NLRC4: variants seen among roughly 807,000 people sequenced by gnomAD.
The protein encoded by NLRC4 is NLR family CARD domain-containing protein 4.
Under a neutral mutation model 79.9 loss-of-function variants are expected in NLRC4, and 63 were observed. That is an observed-to-expected ratio of 0.79 (90% CI 0.64 to 0.97). The LOEUF (loss-of-function observed/expected upper bound fraction) is 0.97. NLRC4 is among the 50% of genes least tolerant of loss of function. The pLI is 0.00. For missense variants in NLRC4, 1,074 were observed against 1,215.2 expected, an observed-to-expected ratio of 0.88 and a Z score of 1.73; for synonymous variants, 461 against 456.5, an observed-to-expected ratio of 1.01 and a Z score of -0.12.
chr2:32,255,538 AT>A (rs57205570), intron 2 of NLRC4, among the ~76,000 whole-genome samples: 58,701 of 125,282 alleles, frequency 0.47, 14,032 homozygotes, highest in African/African-American at 0.51. Context: ...AAAAAAAAAA[AT>A]AAGAAATACA....
intron 1 of NLRC4, among the ~76,000 whole-genome samples, chr2:32,258,984 T>C: frequency 6.6e-6 from 1 of 152,148 alleles, no homozygotes; most frequent in South Asian, 2.1e-4. Flanking sequence ...CTAGAATCAC[T>C]GGGTGGAGAG....
chr2:32,226,471 G>A (rs1553342235), intron 8 of NLRC4, among the ~76,000 whole-genome samples: 1 of 152,260 alleles, frequency 6.6e-6, no homozygotes, highest in Non-Finnish European at 1.5e-5. Context: ...AGCGGCTAAA[G>A]TGGGCAAAGC....
At chr2:32,230,506 C>T (rs1017381934) in intron 8 of NLRC4, among the ~76,000 whole-genome samples, 3 of 147,318 alleles carry the variant, frequency 2.0e-5, no homozygotes, top group African/African-American at 7.5e-5. Flanking sequence ...GAGTCTCACT[C>T]TCCCACCCAG....
At chr2:32,242,409 A>G (rs971045721) in intron 4 of NLRC4, among the ~76,000 whole-genome samples, 1 of 152,252 alleles carries the variant, frequency 6.6e-6, no homozygotes, top group African/African-American at 2.4e-5. Context: ...TTGACAACAT[A>G]TATGAAATTG....
At chr2:32,252,704 A>G in intron 2 of NLRC4, 25 bp from the exon 3 acceptor site, 1 of 1,598,196 alleles carries the variant, frequency 6.3e-7, no homozygotes, top group Non-Finnish European at 8.6e-7. Context: ...AGAAATATAC[A>G]TATTTATTTA....
At chr2:32,240,916 C>T (rs1686784520) in intron 5 of NLRC4, 117 bp downstream of exon 5, 2 of 643,088 alleles carry the variant, frequency 3.1e-6, no homozygotes, top group African/African-American at 1.9e-5. Context: ...ACCAATGTAG[C>T]CACAAGTACA....
rs1245197055 is a variant in NLRC4, at chr2:32,256,303, G to A, written c.1+472C>T. On this transcript the variant is annotated intron_variant, in intron 2 of 8. Transcript: ENST00000402280. ...GTGACTACTGAGTGCTTGAAATCTG[G>A]CTACAGTGACTGTGCAACTGAAGTT... Among the ~76,000 whole-genome samples the A allele has an allele frequency of 2.0e-5, 3 of 152,108 alleles. No individual in the cohort carries two copies. The East Asian group carries it at 5.8e-4, about 29-fold the overall frequency.
chr2:32,259,106 CT>C (rs34806050), intron 1 of NLRC4, among the ~76,000 whole-genome samples: 1 of 151,464 alleles, frequency 6.6e-6, no homozygotes, highest in African/African-American at 2.4e-5. Flanking sequence ...CATTAAAACT[CT>C]TTTTTTGAGA....
At chr2:32,225,740 TTAC>T (rs1039616181) in intron 8 of NLRC4, among the ~76,000 whole-genome samples, 1 of 152,164 alleles carries the variant, frequency 6.6e-6, no homozygotes, top group Admixed American at 6.5e-5. Context: ...ATGGGAACTC[TTAC>T]TTACATGTTT....
chr2:32,255,093 C>T (rs1291682587), intron 2 of NLRC4, among the ~76,000 whole-genome samples: 1 of 151,940 alleles, frequency 6.6e-6, no homozygotes, highest in African/African-American at 2.4e-5. Context: ...CTAGAATATT[C>T]CCTGTCTACA....
At chr2:32,263,828 A>G (rs1687406054) in intron 1 of NLRC4, among the ~76,000 whole-genome samples, 1 of 152,180 alleles carries the variant, frequency 6.6e-6, no homozygotes, top group African/African-American at 2.4e-5. Context: ...AAGTGTGTGA[A>G]CAGTTAAGAA....
chr2:32,247,211 C>A (rs1361264472), intron 4 of NLRC4, among the ~76,000 whole-genome samples: 1 of 152,130 alleles, frequency 6.6e-6, no homozygotes, highest in East Asian at 1.9e-4. Context: ...GGGCAGGGTG[C>A]CACTTGGCAG....
At chr2:32,254,613 G>GTTTTTTT (rs61379576) in intron 2 of NLRC4, among the ~76,000 whole-genome samples, 7 of 95,232 alleles carry the variant, frequency 7.4e-5, no homozygotes, top group Admixed American at 1.3e-4. Flanking sequence ...GCTGCTCCTG[G>GTTTTTTT]TTTTTTTTTT....
At chr2:32,247,969 C>T (rs372213981) in intron 4 of NLRC4, among the ~76,000 whole-genome samples, 1 of 151,946 alleles carries the variant, frequency 6.6e-6, no homozygotes, top group Non-Finnish European at 1.5e-5. Context: ...ATAATGTGTA[C>T]ACATGGAGAT....
chr2:32,255,673 CATT>C (rs1687191999), intron 2 of NLRC4, among the ~76,000 whole-genome samples: 1 of 151,924 alleles, frequency 6.6e-6, no homozygotes, highest in Non-Finnish European at 1.5e-5. Flanking sequence ...TTAAAAGACT[CATT>C]ATATTGAATA....
intron 6 of NLRC4, 109 bp downstream of exon 6, chr2:32,238,023 G>C: frequency 1.3e-6 from 1 of 777,544 alleles, no homozygotes. Context: ...TTATTTTCCA[G>C]TTTTCCTTAA....
intron 5 of NLRC4, among the ~76,000 whole-genome samples, chr2:32,240,738 A>C (rs565976230): frequency 6.6e-6 from 1 of 152,322 alleles, no homozygotes; most frequent in South Asian, 2.1e-4. Context: ...TAAACTTTAA[A>C]ATATTGTTTC....
At chr2:32,232,559 C>T (rs1486830623) in intron 8 of NLRC4, among the ~76,000 whole-genome samples, 1 of 152,208 alleles carries the variant, frequency 6.6e-6, no homozygotes, top group African/African-American at 2.4e-5. Context: ...TCATTACACT[C>T]TTCATTTCAC....
In NLRC4 at chr2:32,224,714, G is replaced by A. The variant is rs866319817; in HGVS notation, c.2834C>T (p.Ala945Val). The change falls in exon 9 of 9, where the codon GCG (alanine) becomes GTG (valine). Residue 945 changes from alanine to valine, a missense_variant. By Grantham distance (64) the Ala-to-Val change is moderately conservative. Transcript: ENST00000402280. Reference sequence around the variant, plus strand: ...TCCATCACTGCTCACACGATTTCCCGCCAAATTCAACTGCTGGAAGTTTTT... The same window carrying A: ...TCCATCACTGCTCACACGATTTCCCACCAAATTCAACTGCTGGAAGTTTTT... The part of the protein sequence containing the change: ...PLKNFQQLNL[A>V]GNRVSSDGWL... 3.8e-6 allele frequency: 6 copies of A among 1,597,562 alleles called. No individual in the cohort carries two copies. Among genetic ancestry groups the A allele is most frequent in the Non-Finnish European group, 5.1e-6 (6 of 1,172,868 alleles).
Sources: allele counts gnomAD v4.1 joint callset (sites outside exome capture counted in the v4.1 genomes callset), GRCh38; gene constraint gnomAD v4.1.1; transcripts MANE v1.5; gene names NCBI Gene and HGNC (gene_info 2026-07-23, HGNC 2026-07-21).